Variants in EGLN2 observed in about 807,000 individuals in gnomAD.
EGLN2 encodes the protein egl-9 family hypoxia inducible factor 2, also known as prolyl hydroxylase EGLN2.
A neutral mutation model predicts 38.2 loss-of-function variants in EGLN2; 15 were observed. The observed-to-expected ratio is 0.39, with a 90% CI of 0.26 to 0.60. EGLN2 has a LOEUF of 0.60. Among genes scored for constraint, EGLN2 ranks in the 20% least tolerant of loss-of-function variants. The pLI, the probability that EGLN2 is intolerant of heterozygous loss-of-function variation, is 0.50. For missense variants in EGLN2, 492 were observed against 570.4 expected, an observed-to-expected ratio of 0.86 and a Z score of 1.40; for synonymous variants, 284 against 237.4, an observed-to-expected ratio of 1.20 and a Z score of -1.81.
intron 2 of EGLN2, 91 bp downstream of exon 2, chr19:40,801,506 G>A (rs1199293490): frequency 2.0e-6 from 3 of 1,515,520 alleles, no homozygotes; most frequent in Admixed American, 4.0e-5. Flanking sequence ...TTGGAGACAG[G>A]CTTCTGGGAG....
rs868685290 is a variant in EGLN2, at chr19:40,808,016, A to G, written c.*152A>G. ...AGGGCTCTGTCTGTTGCTGAGGACC[A>G]AGGAGGAGAAGAGACCTTTGCTGCC... On this transcript the variant is annotated 3_prime_UTR_variant, in exon 6 of 6. Coordinates refer to ENST00000303961, the MANE Select transcript of EGLN2 (RefSeq NM_080732.4). The G allele has an allele frequency of 4.0e-6, 3 of 744,526 alleles. No homozygotes were observed. Among genetic ancestry groups the G allele is most frequent in the Middle Eastern group, 6.9e-4 (2 of 2,880 alleles). 46.1% of individuals were successfully genotyped at this position (744,526 alleles called of 1,614,324 possible). A position where few individuals can be genotyped will look rare whatever the true frequency, so the allele number is the denominator to read the frequency against.
At position 40,808,073 on chromosome 19, in the gene EGLN2, AGG is replaced by A. The variant is rs201243991; in HGVS notation, c.*213_*214del. The A allele has an allele frequency of 0.017, 10,469 of 611,048 alleles. 104 individuals are homozygous for A. Among genetic ancestry groups the A allele is most frequent in the Non-Finnish European group, 0.021 (7,217 of 346,998 alleles). The allele number at this position is 611,048 out of a possible 1,614,324, so 37.9% of individuals were successfully genotyped here. On this transcript the variant is annotated 3_prime_UTR_variant, in exon 6 of 6. Transcript: ENST00000303961. ...TGGGGGCTGGGGTTGTCACCTGGAC[AGG>A]GGGCAGCCGTGGAGGCCACCGTTAC... is the stretch of plus-strand genomic sequence containing the variant.
chr19:40,806,848 C>A, intron 3 of EGLN2, 174 bp downstream of exon 3: 1 of 1,010,872 alleles, frequency 9.9e-7, no homozygotes. Context: ...GGCACCTCCT[C>A]CTCTCTAGCG....
chr19:40,806,227 T>C (rs1037641020), intron 2 of EGLN2: 20 of 322,254 alleles, frequency 6.2e-5, no homozygotes, highest in African/African-American at 4.2e-4. Context: ...GGTATTATTC[T>C]ACTGAAATGG....
chr19:40,799,291 C>T (rs1407980690), intron 1 of EGLN2, 29 bp downstream of exon 1: 2 of 147,684 alleles, frequency 1.4e-5, no homozygotes, highest in Non-Finnish European at 1.5e-5. Flanking sequence ...GAGAAGGGAG[C>T]GGGAGGAGAC....
chr19:40,800,869 G>C lies in EGLN2; in HGVS notation c.297G>C (p.Leu99=), dbSNP rs1315405042. The C allele has an allele frequency of 6.2e-7, 1 of 1,611,908 alleles. No homozygotes were observed. Among genetic ancestry groups the C allele is most frequent in the South Asian group, 1.1e-5 (1 of 90,874 alleles). ...RPLQSEGAAA[L]VTKGCQRLAA... The stretch of plus-strand genomic sequence containing the variant: ...TGCAGAGTGAAGGCGCTGCAGCGCT[G>C]GTCACCAAGGGGTGCCAGCGATTGG... Residue 99 remains leucine (L), a synonymous_variant, in exon 2 of 6, where the codon CTG becomes CTC. Coordinates refer to ENST00000303961, the MANE Select transcript of EGLN2 (RefSeq NM_080732.4).
rs781201989 is a variant in EGLN2 at position 40,801,148 on chromosome 19, C to T, written c.576C>T (p.Cys192=). ...IVPCMRYYGI[C]VKDSFLGAAL... ...CCTGCATGCGGTACTACGGCATCTG[C>T]GTCAAGGACAGCTTCCTGGGGGCAG... The change falls in exon 2 of 6, where the codon TGC becomes TGT. Residue 192 remains cysteine (C), a synonymous_variant. Transcript: ENST00000303961. The T allele has an allele frequency of 1.5e-5, 24 of 1,612,798 alleles. No individual in the cohort carries two copies. The highest frequency in any genetic ancestry group is 1.6e-4 in the Middle Eastern group (1 of 6,084).
At chr19:40,799,665 C>G (rs1470235857) in intron 1 of EGLN2, 2 of 152,212 alleles carry the variant, frequency 1.3e-5, no homozygotes, top group African/African-American at 2.4e-5. Context: ...CCGTCCTTTC[C>G]TCTGTCGCCG....
intron 2 of EGLN2, among the ~76,000 whole-genome samples, chr19:40,802,899 T>A (rs2083273196): frequency 6.6e-6 from 1 of 152,270 alleles, no homozygotes. Context: ...GATCCCATCT[T>A]GGGTTCTGCT....
At chr19:40,807,039 G>A in intron 3 of EGLN2, 99 bp from the exon 4 acceptor site, 3 of 1,556,166 alleles carry the variant, frequency 1.9e-6, no homozygotes, top group Non-Finnish European at 2.6e-6. Flanking sequence ...AGGGAGTGAT[G>A]CAGGCAGACG....
Position 40,808,124 on chromosome 19 carries a change from C to T in EGLN2, c.*260C>T. On this transcript the variant is annotated 3_prime_UTR_variant, in exon 6 of 6. Coordinates refer to ENST00000303961, the MANE Select transcript of EGLN2 (RefSeq NM_080732.4). ...ACCAACTGAAGCTGGGGGCCTGGGT[C>T]CTACCCTGTCTGGTCATGACCCCAT... 1 of 576,374 alleles carries T rather than the reference C, an allele frequency of 1.7e-6. No homozygotes were observed. Among genetic ancestry groups the T allele is most frequent in the Non-Finnish European group, 3.1e-6 (1 of 323,152 alleles). The allele number at this position is 576,374 out of a possible 1,614,324, so 35.7% of individuals were successfully genotyped here.
chr19:40,800,878 G>C lies in EGLN2; in HGVS notation c.306G>C (p.Lys102Asn). ...QSEGAAALVT[K>N]GCQRLAAQGA... ...AAGGCGCTGCAGCGCTGGTCACCAA[G>C]GGGTGCCAGCGATTGGCAGCCCAGG... Residue 102 changes from lysine to asparagine, a missense_variant, in exon 2 of 6, where the codon AAG (lysine) becomes AAC (asparagine). Transcript: ENST00000303961. 6.2e-7 allele frequency: 1 copy of C among 1,611,558 alleles called. No homozygotes were observed.
At chr19:40,807,575 C>G in intron 5 of EGLN2, 24 bp downstream of exon 5, 1 of 1,612,998 alleles carries the variant, frequency 6.2e-7, no homozygotes, top group Non-Finnish European at 8.5e-7. Context: ...TCCCTTCAGT[C>G]CTTCCTATTC....
In EGLN2 at chr19:40,800,715, A is replaced by T. The variant is rs745342770; in HGVS notation, c.143A>T (p.Tyr48Phe). The T allele has an allele frequency of 1.2e-6, 2 of 1,613,852 alleles. No homozygotes were observed. The highest frequency in any genetic ancestry group is 1.7e-6 in the Non-Finnish European group (2 of 1,179,938). ...CTGCCCTGTCCCCTGCTCCCCTCCT[A>T]CCACTGTCCAGGAGTGCCTAGTGAG... ...SYLPCPLLPS[Y>F]HCPGVPSEAS... The change falls in exon 2 of 6, where the codon TAC becomes TTC. Residue 48 changes from tyrosine to phenylalanine, a missense_variant. This residue lies in a region of EGLN2 where 378 missense variants were observed against 386.2 expected (regional missense o/e 0.98). Coordinates refer to ENST00000303961, the MANE Select transcript of EGLN2 (RefSeq NM_080732.4).
chr19:40,799,409 G>A (rs894922825), intron 1 of EGLN2, 147 bp downstream of exon 1: 2 of 144,984 alleles, frequency 1.4e-5, no homozygotes, highest in African/African-American at 2.5e-5. Context: ...CGCGGGGGAG[G>A]GGACGCGCGC....
Position 40,807,096 on chromosome 19 carries a change from C to T in EGLN2, c.964-42C>T, listed in dbSNP as rs1187849115. On this transcript the variant is annotated intron_variant, in intron 3 of 5. Transcript: ENST00000303961. ...CGGGGCACCGTGGGAGGCAGCGGCTCCTGGCCGTACCAGCTAGCCTCATCC... is the reference window on the plus strand; with the variant it reads ...CGGGGCACCGTGGGAGGCAGCGGCTTCTGGCCGTACCAGCTAGCCTCATCC... 6 of 1,608,156 alleles carry T rather than the reference C, an allele frequency of 3.7e-6. No individual in the cohort carries two copies. In the South Asian group the frequency reaches 5.5e-5, roughly 15 times the overall value.
chr19:40,807,017 C>G, intron 3 of EGLN2, 121 bp from the exon 4 acceptor site: 1 of 1,465,454 alleles, frequency 6.8e-7, no homozygotes, highest in Non-Finnish European at 9.2e-7. Context: ...CTTTGAGAGC[C>G]CGAGGGGTGG....
intron 3 of EGLN2, 172 bp downstream of exon 3, chr19:40,806,846 C>T (rs949896861): frequency 6.8e-5 from 70 of 1,023,422 alleles, no homozygotes; most frequent in Non-Finnish European, 9.4e-5. Flanking sequence ...ATGGCACCTC[C>T]TCCTCTCTAG....
chr19:40,807,042 G>A (rs35777454), intron 3 of EGLN2, 96 bp from the exon 4 acceptor site: 1 of 1,564,186 alleles, frequency 6.4e-7, no homozygotes, highest in Non-Finnish European at 8.7e-7. Flanking sequence ...GAGTGATGCA[G>A]GCAGACGCTG....
Sources: allele counts gnomAD v4.1 joint callset (sites outside exome capture counted in the v4.1 genomes callset), GRCh38; gene constraint gnomAD v4.1.1; regional missense constraint gnomAD v4.1.1; transcripts MANE v1.5; gene names NCBI Gene and HGNC (gene_info 2026-07-23, HGNC 2026-07-21).